Variants in CDH12 observed in about 807,000 individuals in gnomAD.
CDH12 encodes the protein cadherin 12.
Under a neutral mutation model 74.1 loss-of-function variants are expected in CDH12, and 41 were observed. The ratio of observed to expected loss-of-function variants is 0.55; its 90% CI spans 0.43 to 0.72. The LOEUF (loss-of-function observed/expected upper bound fraction) is 0.72. Ranked by LOEUF, CDH12 falls within the 30% of genes least tolerant of loss-of-function variation. CDH12 has a pLI of 0.00. For missense variants in CDH12, 945 were observed against 977.2 expected (o/e 0.97, Z 0.44); for synonymous variants, 399 against 355.0 (o/e 1.12, Z -1.39).
chr5:22,112,334 G>GT (rs1304201476), intron 4 of CDH12, among the ~76,000 whole-genome samples: 6 of 151,964 alleles, frequency 3.9e-5, no homozygotes, highest in Non-Finnish European at 8.8e-5. Flanking sequence ...TATTTTTCTT[G>GT]TTTTTTCTTT....
intron 1 of CDH12, among the ~76,000 whole-genome samples, chr5:22,732,469 TATACAC>T (rs1301603442): frequency 2.3e-3 from 136 of 58,312 alleles, no homozygotes; most frequent in African/African-American, 0.01. Flanking sequence ...TATATATATA[TATACAC>T]ACACACACAC....
intron 6 of CDH12, among the ~76,000 whole-genome samples, chr5:21,895,553 C>A (rs12188966): frequency 0.76 from 115,790 of 152,056 alleles, 45,639 homozygotes; most frequent in Non-Finnish European, 0.86. Flanking sequence ...GCTCCATATG[C>A]ATCAATTTGG....
chr5:22,248,825 T>G (rs1753043268), intron 3 of CDH12, among the ~76,000 whole-genome samples: 2 of 152,180 alleles, frequency 1.3e-5, no homozygotes, highest in South Asian at 4.1e-4. Context: ...TATAAGTAAC[T>G]AAACCATATT....
At chr5:22,614,923 A>G (rs369745206) in intron 1 of CDH12, among the ~76,000 whole-genome samples, 23 of 152,206 alleles carry the variant, frequency 1.5e-4, no homozygotes, top group East Asian at 3.9e-4. Flanking sequence ...ACTCATGGGT[A>G]GGGAGGTTTG....
At chr5:22,194,021 G>A (rs1750457867) in intron 4 of CDH12, among the ~76,000 whole-genome samples, 1 of 152,124 alleles carries the variant, frequency 6.6e-6, no homozygotes, top group African/African-American at 2.4e-5. Context: ...GTTAGAATTT[G>A]GAAATGAAAA....
At chr5:22,073,975 T>C (rs1056519225) in intron 5 of CDH12, among the ~76,000 whole-genome samples, 18 of 152,146 alleles carry the variant, frequency 1.2e-4, no homozygotes. Context: ...AGGCTAAAGA[T>C]AGTACAGTTG....
chr5:22,466,495 G>A (rs1424072729), intron 2 of CDH12, among the ~76,000 whole-genome samples: 2 of 152,110 alleles, frequency 1.3e-5, no homozygotes, highest in Admixed American at 6.5e-5. Flanking sequence ...TGAGTGCAAT[G>A]AAAGTGTGTA....
intron 4 of CDH12, chr5:22,141,396 T>C: frequency 1.3e-5 from 2 of 152,196 alleles, no homozygotes. Flanking sequence ...AAAATTTGTA[T>C]GTAAGTTGAG....
intron 3 of CDH12, among the ~76,000 whole-genome samples, chr5:22,320,144 C>A (rs990434867): frequency 6.6e-6 from 1 of 152,036 alleles, no homozygotes; most frequent in East Asian, 1.9e-4. Flanking sequence ...GACTTGTGTC[C>A]TGAGAAGGTG....
At chr5:22,356,557 G>T (rs994750349) in intron 3 of CDH12, among the ~76,000 whole-genome samples, 2 of 152,068 alleles carry the variant, frequency 1.3e-5, no homozygotes, top group Middle Eastern at 3.4e-3. Context: ...TAATTTTTAT[G>T]GTACCTCAAG....
intron 1 of CDH12, among the ~76,000 whole-genome samples, chr5:22,829,674 G>C (rs932996308): frequency 6.6e-6 from 1 of 152,246 alleles, no homozygotes; most frequent in Non-Finnish European, 1.5e-5. Context: ...TTCTATTTCT[G>C]TTCTCACAAT....
chr5:21,935,229 G>C (rs1561311096), intron 6 of CDH12, among the ~76,000 whole-genome samples: 1 of 152,084 alleles, frequency 6.6e-6, no homozygotes, highest in Non-Finnish European at 1.5e-5. Context: ...TCAGTGATGA[G>C]ATCATGGGCT....
At chr5:22,338,631 T>C (rs1739703992) in intron 3 of CDH12, among the ~76,000 whole-genome samples, 1 of 152,206 alleles carries the variant, frequency 6.6e-6, no homozygotes, top group South Asian at 2.1e-4. Context: ...TTTTCCATTA[T>C]GGGATTATTA....
chr5:21,850,380 A>G lies in CDH12; in HGVS notation c.646+4291T>C, dbSNP rs577177303. On this transcript the variant is annotated intron_variant, in intron 7 of 14. Transcript: ENST00000382254. ...GATGGGTATGTTAATTTGTTCTACTATAGAAACCATTTATATGTGTGTGTG... is the reference window on the plus strand; with the variant it reads ...GATGGGTATGTTAATTTGTTCTACTGTAGAAACCATTTATATGTGTGTGTG... Among the ~76,000 whole-genome samples, 44 of 151,566 alleles carry G rather than the reference A, an allele frequency of 2.9e-4. 1 individual carries two copies. The highest frequency in any genetic ancestry group is 3.4e-3 in the Middle Eastern group (1 of 294).
chr5:21,918,754 C>T (rs1474183001), intron 6 of CDH12, among the ~76,000 whole-genome samples: 1 of 151,890 alleles, frequency 6.6e-6, no homozygotes, highest in African/African-American at 2.4e-5. Flanking sequence ...GAGTTTTGGG[C>T]AGGAACACAG....
intron 1 of CDH12, among the ~76,000 whole-genome samples, chr5:22,694,833 A>C (rs1742267810): frequency 6.6e-6 from 1 of 151,934 alleles, no homozygotes; most frequent in African/African-American, 2.4e-5. Context: ...ATATATGTAT[A>C]TAATTTTACT....
intron 1 of CDH12, among the ~76,000 whole-genome samples, chr5:22,770,880 A>G (rs1746770746): frequency 6.6e-6 from 1 of 152,104 alleles, no homozygotes; most frequent in Non-Finnish European, 1.5e-5. Flanking sequence ...CACAATAGTG[A>G]TAAAGTGAAA....
At chr5:22,189,523 T>C (rs1439086575) in intron 4 of CDH12, among the ~76,000 whole-genome samples, 1 of 151,836 alleles carries the variant, frequency 6.6e-6, no homozygotes, top group Non-Finnish European at 1.5e-5. Context: ...AATCAGGAGA[T>C]CTATTATTTT....
intron 3 of CDH12, among the ~76,000 whole-genome samples, chr5:22,298,256 GTA>G (rs1253520510): frequency 5.3e-5 from 8 of 150,814 alleles, no homozygotes; most frequent in East Asian, 1.9e-4. Context: ...GTGTATGTGT[GTA>G]TATATATATA....
Sources: allele counts gnomAD v4.1 joint callset (sites outside exome capture counted in the v4.1 genomes callset), GRCh38; gene constraint gnomAD v4.1.1; transcripts MANE v1.5; gene names NCBI Gene and HGNC (gene_info 2026-07-23, HGNC 2026-07-21).